The following RNF216 variants were observed in gnomAD, a reference collection of about 807,000 sequenced individuals.
RNF216 encodes the protein ring finger protein 216.
In RNF216, 72 loss-of-function variants were observed where a neutral mutation model predicts 110.8. That is an observed-to-expected ratio of 0.65 (90% CI 0.54 to 0.79). The LOEUF is 0.79. Among genes scored for constraint, RNF216 ranks in the 30% least tolerant of loss-of-function variants. The probability of loss-of-function intolerance (pLI) is 0.00; values close to 1 mark genes in which losing one functional copy is unlikely to be tolerated. For missense variants in RNF216, 1,342 were observed against 1,141.2 expected (o/e 1.18, Z -2.54); for synonymous variants, 495 against 407.5 (o/e 1.21, Z -2.59).
At chr7:5,716,367 G>A (rs1793063687) in intron 10 of RNF216, among the ~76,000 whole-genome samples, 1 of 151,952 alleles carries the variant, frequency 6.6e-6, no homozygotes, top group African/African-American at 2.4e-5. Flanking sequence ...AAAATTAGCT[G>A]GGCATTTTTT....
intron 13 of RNF216, among the ~76,000 whole-genome samples, chr7:5,663,951 G>A (rs1160606606): frequency 2.0e-5 from 3 of 152,020 alleles, no homozygotes; most frequent in African/African-American, 7.2e-5. Context: ...GTTCACTTGA[G>A]TGCCTATTCT....
Position 5,774,837 on chromosome 7 carries a change from C to A in RNF216, c.-70+6704G>T, listed in dbSNP as rs976078064. ...GCAATGGTGCAATCTCAGTTCACTG[C>A]AACATCCCCTCCAGAGTTCAAGTGA... On this transcript the variant is annotated intron_variant, in intron 1 of 16. Transcript: ENST00000389902. Among the ~76,000 whole-genome samples, 3 of 151,910 alleles carry A rather than the reference C, an allele frequency of 2.0e-5. No individual in the cohort carries two copies. The East Asian group carries it at 5.8e-4, about 29-fold the overall frequency.
chr7:5,698,974 C>A (rs1371035900), intron 13 of RNF216, among the ~76,000 whole-genome samples: 5 of 152,108 alleles, frequency 3.3e-5, no homozygotes, highest in Non-Finnish European at 7.4e-5. Flanking sequence ...AGCAGCAAAG[C>A]AAACCAAAAC....
intron 3 of RNF216, among the ~76,000 whole-genome samples, chr7:5,750,593 A>C (rs1562460295): frequency 6.6e-6 from 1 of 152,238 alleles, no homozygotes; most frequent in Non-Finnish European, 1.5e-5. Context: ...TATAAGCTGA[A>C]GCTGGACAAA....
chr7:5,633,304 G>C (rs192235715), intron 15 of RNF216, among the ~76,000 whole-genome samples: 4 of 152,090 alleles, frequency 2.6e-5, no homozygotes, highest in Non-Finnish European at 5.9e-5. Context: ...GGCCGGGTGC[G>C]GTGGCTCATG....
chr7:5,723,280 C>T (rs1244217528), intron 8 of RNF216, among the ~76,000 whole-genome samples: 1 of 152,148 alleles, frequency 6.6e-6, no homozygotes, highest in Non-Finnish European at 1.5e-5. Flanking sequence ...TTATTTCTTT[C>T]GTCTTTACTC....
intron 2 of RNF216, among the ~76,000 whole-genome samples, chr7:5,754,759 G>A (rs1313214778): frequency 6.6e-6 from 1 of 152,148 alleles, no homozygotes; most frequent in Admixed American, 6.5e-5. Flanking sequence ...TGGGCACGGT[G>A]GCTCACGCCT....
chr7:5,771,802 C>G (rs1796509161), intron 1 of RNF216, among the ~76,000 whole-genome samples: 1 of 150,470 alleles, frequency 6.6e-6, no homozygotes, highest in Admixed American at 6.6e-5. Flanking sequence ...TGTCCCCCCA[C>G]CAAAAAACAT....
At chr7:5,711,950 T>C (rs1301233718) in intron 12 of RNF216, 111 bp from the exon 13 acceptor site, 2 of 860,214 alleles carry the variant, frequency 2.3e-6, no homozygotes, top group Non-Finnish European at 3.8e-6. Flanking sequence ...GACATTCACA[T>C]CCCCTTTATA....
chr7:5,697,258 T>C (rs1791688512), intron 13 of RNF216, among the ~76,000 whole-genome samples: 1 of 152,246 alleles, frequency 6.6e-6, no homozygotes, highest in Non-Finnish European at 1.5e-5. Flanking sequence ...AGCCGCATGT[T>C]CCTCACAGCA....
rs1787714263 is a variant in RNF216, at chr7:5,641,233, T to C, written c.2303A>G (p.Asp768Gly). 1 of 1,613,950 alleles carries C rather than the reference T, an allele frequency of 6.2e-7. No homozygotes were observed. Among genetic ancestry groups the C allele is most frequent in the African/African-American group, 1.3e-5 (1 of 74,894 alleles). ...TGAGCGGGGATGTTGGCAGAAATGG[T>C]CATATCCATTAATAGAAACTCGACA... is the stretch of plus-strand genomic sequence containing the variant. ...YLCRVSINGYDHFCQHPRSPG... is the reference protein window; with the variant it reads ...YLCRVSINGYGHFCQHPRSPG... Residue 768 changes from aspartate (D) to glycine (G), a missense_variant, in exon 15 of 17, where the codon GAC becomes GGC. By Grantham distance (94) the Asp-to-Gly change is moderately conservative. Transcript: ENST00000389902.
chr7:5,694,711 A>G (rs1368278421), intron 13 of RNF216, among the ~76,000 whole-genome samples: 1 of 152,176 alleles, frequency 6.6e-6, no homozygotes, highest in African/African-American at 2.4e-5. Context: ...CCTTCAGCCT[A>G]TGGAAAGTAC....
intron 15 of RNF216, among the ~76,000 whole-genome samples, chr7:5,627,980 A>G (rs1389730633): frequency 6.6e-6 from 1 of 152,156 alleles, no homozygotes; most frequent in Non-Finnish European, 1.5e-5. Flanking sequence ...GGTCTGAGGC[A>G]CCTGCATAGG....
intron 13 of RNF216, among the ~76,000 whole-genome samples, chr7:5,684,328 C>T (rs187641460): frequency 6.6e-6 from 1 of 151,862 alleles, no homozygotes; most frequent in Non-Finnish European, 1.5e-5. Flanking sequence ...AGGATGGTCT[C>T]GATCTCCTGA....
At chr7:5,752,160 G>T (rs1200554617) in intron 3 of RNF216, among the ~76,000 whole-genome samples, 1 of 151,700 alleles carries the variant, frequency 6.6e-6, no homozygotes, top group Non-Finnish European at 1.5e-5. Flanking sequence ...ACTCCAGTCT[G>T]GGAAAAGAGC....
chr7:5,639,548 C>T (rs1787606163), intron 15 of RNF216, among the ~76,000 whole-genome samples: 1 of 152,048 alleles, frequency 6.6e-6, no homozygotes. Flanking sequence ...ACTGCAACCT[C>T]CGCCTCCTGG....
At chr7:5,732,766 G>A (rs528656522) in intron 5 of RNF216, among the ~76,000 whole-genome samples, 1 of 152,124 alleles carries the variant, frequency 6.6e-6, no homozygotes, top group African/African-American at 2.4e-5. Flanking sequence ...GAAGCCTGTC[G>A]GACTTCAATC....
intron 13 of RNF216, among the ~76,000 whole-genome samples, chr7:5,664,352 C>T (rs908448237): frequency 1.3e-5 from 2 of 152,136 alleles, no homozygotes; most frequent in African/African-American, 2.4e-5. Context: ...CCTTTCTTTG[C>T]TCCCTAATGT....
At chr7:5,743,233 G>C (rs1584554777) in intron 3 of RNF216, among the ~76,000 whole-genome samples, 1 of 152,066 alleles carries the variant, frequency 6.6e-6, no homozygotes, top group Non-Finnish European at 1.5e-5. Flanking sequence ...CAGCACTCCA[G>C]CCTGGAGACA....
Sources: gnomAD v4.1 joint callset for allele counts (sites outside exome capture counted in the v4.1 genomes callset) on GRCh38, gnomAD v4.1.1 for gene constraint, MANE v1.5 for transcripts, NCBI Gene and HGNC (gene_info 2026-07-23, HGNC 2026-07-21) for gene names.